Variants in ARHGEF40 observed in about 807,000 individuals in gnomAD.
ARHGEF40 encodes the protein Rho guanine nucleotide exchange factor 40.
Under a neutral mutation model 165.9 loss-of-function variants are expected in ARHGEF40, and 98 were observed. That is an observed-to-expected ratio of 0.59 (90% CI 0.50 to 0.70). ARHGEF40 has a LOEUF of 0.70. Among genes scored for constraint, ARHGEF40 ranks in the 30% least tolerant of loss-of-function variants. ARHGEF40 has a pLI of 0.00. For missense variants in ARHGEF40, 1,815 were observed against 1,968.0 expected (o/e 0.92, Z 1.47); for synonymous variants, 792 against 814.3 (o/e 0.97, Z 0.47).
chr14:21,084,020 G>C lies in ARHGEF40; in HGVS notation c.3759G>C (p.Leu1253=). ...AACAAGAGGCCCGTGGCAGAGACCT[G>C]CTGGCCGTGGAGGCGGTGCGTGGCT... ...LREQEARGRD[L]LAVEAVRGCE... is the part of the protein sequence containing the mutation. Residue 1253 remains leucine (L), a synonymous_variant, in exon 17 of 24, where the codon CTG becomes CTC. Coordinates refer to ENST00000298694, the MANE Select transcript of ARHGEF40 (RefSeq NM_018071.5). The C allele has an allele frequency of 6.2e-7, 1 of 1,611,436 alleles. No homozygotes were observed.
chr14:21,071,883 C>G (rs1886934067), intron 1 of ARHGEF40, among the ~76,000 whole-genome samples: 1 of 152,210 alleles, frequency 6.6e-6, no homozygotes, highest in African/African-American at 2.4e-5. Flanking sequence ...CACTGAATGT[C>G]CCGTCTCTGG....
intron 22 of ARHGEF40, among the ~76,000 whole-genome samples, chr14:21,088,396 CA>C: frequency 6.6e-6 from 1 of 152,036 alleles, no homozygotes; most frequent in African/African-American, 2.4e-5. Flanking sequence ...TGGCAAAACT[CA>C]GGCCAGGTAA....
Position 21,070,769 on chromosome 14 carries a change from C to T in ARHGEF40, c.3+370C>T. 1.3e-6 allele frequency: 2 copies of T among 1,521,946 alleles called. No individual in the cohort carries two copies. Among genetic ancestry groups the T allele is most frequent in the African/African-American group, 1.4e-5 (1 of 72,762 alleles). 94.3% of individuals were successfully genotyped at this position (1,521,946 alleles called of 1,614,324 possible). A position where few individuals can be genotyped will look rare whatever the true frequency, so the allele number is the denominator to read the frequency against. The stretch of plus-strand genomic sequence containing the variant: ...GCTCCTTACCCGCGGGAGACCCCTG[C>T]GGGTTGGTCCTGCAGCGACCCTGGA... On this transcript the variant is annotated intron_variant, in intron 1 of 23. Coordinates refer to ENST00000298694, the MANE Select transcript of ARHGEF40 (RefSeq NM_018071.5). The surrounding 1 kb of genome is among the most constrained non-coding windows in gnomAD (Gnocchi z 4.7).
At chr14:21,086,083 G>A in intron 19 of ARHGEF40, 2 of 579,616 alleles carry the variant, frequency 3.5e-6, no homozygotes, top group South Asian at 4.6e-5. Context: ...CGGGAAGCAA[G>A]AGCAAGTAGG....
rs756607799 is a variant in ARHGEF40 at position 21,070,374 on chromosome 14, C to T, written c.-23C>T. On this transcript the variant is annotated 5_prime_UTR_variant, in exon 1 of 24. Transcript: ENST00000298694. The surrounding 1 kb of genome is among the most constrained non-coding windows in gnomAD (Gnocchi z 4.7). ...CGGCCCCGCCCGCCCGACCAAGCGT[C>T]GGACGCGGCCCGGCGCCGAGCCATG... is the stretch of plus-strand genomic sequence containing the variant. 40 of 1,407,466 alleles carry T rather than the reference C, an allele frequency of 2.8e-5. No individual in the cohort carries two copies. In the East Asian group the frequency reaches 1.0e-3, roughly 36 times the overall value. The allele number at this position is 1,407,466 out of a possible 1,614,324, so 87.2% of individuals were successfully genotyped here.
At position 21,081,948 on chromosome 14, in the gene ARHGEF40, C is replaced by T; in HGVS notation, c.3080C>T (p.Ala1027Val). ...EEEGPELAPE[A>V]EGRPPRAVLI... ...GAGGGCCCTGAGCTGGCTCCAGAAG[C>T]AGAGGGCAGGCCCCCAAGAGCTGTG... Residue 1027 changes from alanine (A) to valine (V), a missense_variant, in exon 14 of 24, where the codon GCA (alanine) becomes GTA (valine). By Grantham distance (64) the Ala-to-Val change is moderately conservative. Transcript: ENST00000298694. 6.2e-7 allele frequency: 1 copy of T among 1,606,942 alleles called. No homozygotes were observed. The highest frequency in any genetic ancestry group is 8.5e-7 in the Non-Finnish European group (1 of 1,176,822).
In ARHGEF40 at chr14:21,082,819, T is replaced by C. The variant is rs1888031568; in HGVS notation, c.3487-12T>C. ...TCACCGGGGACTCCTTATCTGTTCTTTACTGGCACAGGGGGACCAGTTCAG... is the reference window on the plus strand; with the variant it reads ...TCACCGGGGACTCCTTATCTGTTCTCTACTGGCACAGGGGGACCAGTTCAG... On this transcript the variant is annotated splice_polypyrimidine_tract_variant and intron_variant, in intron 15 of 23. Coordinates refer to ENST00000298694, the MANE Select transcript of ARHGEF40 (RefSeq NM_018071.5). 1.2e-5 allele frequency: 19 copies of C among 1,613,838 alleles called. No individual in the cohort carries two copies. Among genetic ancestry groups the C allele is most frequent in the Non-Finnish European group, 1.4e-5 (17 of 1,179,820 alleles).
At position 21,075,616 on chromosome 14, in the gene ARHGEF40, A is replaced by G; in HGVS notation, c.1619-29A>G. On this transcript the variant is annotated intron_variant, in intron 4 of 23. Transcript: ENST00000298694. The surrounding 1 kb of genome is among the most constrained non-coding windows in gnomAD (Gnocchi z 4.5). ...AGGTAGGCATGGACTGCTCCCAGCC[A>G]GGACAGCCTGGCCATTTTGTGTCTT... 6.2e-7 allele frequency: 1 copy of G among 1,614,068 alleles called. No homozygotes were observed. Among genetic ancestry groups the G allele is most frequent in the South Asian group, 1.1e-5 (1 of 91,074 alleles).
upstream of ARHGEF40, among the ~76,000 whole-genome samples, chr14:21,069,044 G>T (rs1464799366): frequency 1.3e-5 from 2 of 152,174 alleles, no homozygotes; most frequent in African/African-American, 2.4e-5. Context: ...GGGCACACGC[G>T]TTCACGCCCC....
In ARHGEF40 at chr14:21,070,697, G is replaced by T; in HGVS notation, c.3+298G>T. ...CCCGCTCCCCGCCCTCCTCTGTCCT[G>T]ACCTGTGCCTTCCTTTCCTGGAGCT... On this transcript the variant is annotated intron_variant, in intron 1 of 23. Transcript: ENST00000298694. The surrounding 1 kb of genome is among the most constrained non-coding windows in gnomAD (Gnocchi z 4.7). The T allele has an allele frequency of 9.1e-7, 1 of 1,097,268 alleles. No individual in the cohort carries two copies. The highest frequency in any genetic ancestry group is 1.3e-6 in the Non-Finnish European group (1 of 760,138). The allele number at this position is 1,097,268 out of a possible 1,614,324, so 68.0% of individuals were successfully genotyped here. A position where few individuals can be genotyped will look rare whatever the true frequency, so the allele number is the denominator to read the frequency against.
chr14:21,073,084 G>A lies in ARHGEF40; in HGVS notation c.43G>A (p.Ala15Thr), dbSNP rs1280294965. The change falls in exon 2 of 24, where the codon GCC (alanine) becomes ACC (threonine). Residue 15 changes from alanine (A) to threonine (T), a missense_variant. Transcript: ENST00000298694. This position sits in a 1 kb window ranked among gnomAD's most constrained non-coding sequence, Gnocchi z 4.6. ...PVEDCVQSTL[A>T]ALYPPFEATA... ...GGAGGACTGTGTGCAGAGCACTCTC[G>A]CCGCCCTGTATCCACCCTTTGAGGC... The A allele has an allele frequency of 1.1e-5, 18 of 1,614,094 alleles. No individual in the cohort carries two copies. The East Asian group carries it at 2.7e-4, about 24-fold the overall frequency.
chr14:21,083,334 G>A (rs987266468), intron 16 of ARHGEF40, among the ~76,000 whole-genome samples: 2 of 151,188 alleles, frequency 1.3e-5, no homozygotes, highest in African/African-American at 4.9e-5. Flanking sequence ...GAGGTCAGGA[G>A]ATTGAGACTA....
At chr14:21,084,379 A>G (rs1888177217) in intron 17 of ARHGEF40, among the ~76,000 whole-genome samples, 1 of 152,088 alleles carries the variant, frequency 6.6e-6, no homozygotes, top group African/African-American at 2.4e-5. Flanking sequence ...TCGTCTACCT[A>G]GTCTTTTTCC....
In ARHGEF40 at chr14:21,075,684, C is replaced by T; in HGVS notation, c.1658C>T (p.Thr553Ile). 1 of 1,613,904 alleles carries T rather than the reference C, an allele frequency of 6.2e-7. No individual in the cohort carries two copies. Among genetic ancestry groups the T allele is most frequent in the Non-Finnish European group, 8.5e-7 (1 of 1,180,008 alleles). ...DQSGRALLTI[T>I]PPCPPEEPPP... ...AGTGGGCGAGCTCTGCTGACCATTA[C>T]CCCACCGTGCCCTCCTGAGGAGCCC... Residue 553 changes from threonine (T) to isoleucine (I), a missense_variant, in exon 5 of 24, where the codon ACC becomes ATC. Coordinates refer to ENST00000298694, the MANE Select transcript of ARHGEF40 (RefSeq NM_018071.5). This position sits in a 1 kb window ranked among gnomAD's most constrained non-coding sequence, Gnocchi z 4.5.
chr14:21,082,142 G>T, intron 14 of ARHGEF40, 23 bp downstream of exon 14: 1 of 1,560,696 alleles, frequency 6.4e-7, no homozygotes, highest in Non-Finnish European at 8.7e-7. Context: ...CCCAACTGGT[G>T]CTAAGAGGCG....
chr14:21,078,358 C>G lies in ARHGEF40; in HGVS notation c.2131-15C>G, dbSNP rs1887602694. ...TCTGGTGGAACCCCAACTGGCAACT[C>G]CTCCCTATCCCCAGGAGGCAGTGGG... On this transcript the variant is annotated splice_polypyrimidine_tract_variant and intron_variant, in intron 9 of 23. Transcript: ENST00000298694. 1 of 1,597,234 alleles carries G rather than the reference C, an allele frequency of 6.3e-7. No homozygotes were observed. Among genetic ancestry groups the G allele is most frequent in the African/African-American group, 1.3e-5 (1 of 74,754 alleles).
chr14:21,087,994 G>A lies in ARHGEF40; in HGVS notation c.4414G>A (p.Asp1472Asn), dbSNP rs748300502. 2.5e-6 allele frequency: 4 copies of A among 1,613,954 alleles called. No homozygotes were observed. In the African/African-American group the frequency reaches 5.3e-5, roughly 22 times the overall value. ...CCCAGAAACACTTGACTCTTCTGGA[G>A]ATGTGTCCCCAGGACCAAGAAACAG... is the stretch of plus-strand genomic sequence containing the variant. ...LAPETLDSSGDVSPGPRNSPS... is the reference protein window; with the variant it reads ...LAPETLDSSGNVSPGPRNSPS... The change falls in exon 22 of 24, where the codon GAT (aspartate) becomes AAT (asparagine). Residue 1472 changes from aspartate (D) to asparagine (N), a missense_variant. Coordinates refer to ENST00000298694, the MANE Select transcript of ARHGEF40 (RefSeq NM_018071.5).
At chr14:21,070,173 G>T, upstream of ARHGEF40, 2 of 245,218 alleles carry the variant, frequency 8.2e-6, no homozygotes. This position sits in a 1 kb window ranked among gnomAD's most constrained non-coding sequence, Gnocchi z 4.7. Context: ...GGGGTCCCGC[G>T]CGGAGGCGGG....
intron 11 of ARHGEF40, among the ~76,000 whole-genome samples, chr14:21,080,237 CACACA>C (rs1566530661): frequency 6.9e-6 from 1 of 144,382 alleles, no homozygotes; most frequent in East Asian, 2.0e-4. Flanking sequence ...CACACACACA[CACACA>C]CACACACCCC....
Sources: gnomAD v4.1 joint callset for allele counts (sites outside exome capture counted in the v4.1 genomes callset) on GRCh38, gnomAD v4.1.1 for gene constraint, Gnocchi (gnomAD v3.1) non-coding constraint, MANE v1.5 for transcripts, NCBI Gene and HGNC (gene_info 2026-07-23, HGNC 2026-07-21) for gene names.